Variants in VPS13B observed in about 807,000 individuals in gnomAD.
The protein encoded by VPS13B is intermembrane lipid transfer protein VPS13B.
In VPS13B, 285 loss-of-function variants were observed where a neutral mutation model predicts 426.4. That is an observed-to-expected ratio of 0.67 (90% CI 0.61 to 0.74). The LOEUF is 0.74. Among genes scored for constraint, VPS13B ranks in the 30% least tolerant of loss-of-function variants. VPS13B has a pLI of 0.00. For missense variants in VPS13B, 4,537 were observed against 4,782.6 expected (o/e 0.95, Z 1.51); for synonymous variants, 1,676 against 1,676.4 (o/e 1.00, Z 0.01).
At chr8:99,561,635 A>G (rs892061771) in intron 31 of VPS13B, among the ~76,000 whole-genome samples, 9 of 152,190 alleles carry the variant, frequency 5.9e-5, no homozygotes, top group African/African-American at 2.2e-4. Flanking sequence ...ATTTTGCCCA[A>G]CCAAGGCCAA....
chr8:99,106,375 C>T (rs1395814791), intron 5 of VPS13B, among the ~76,000 whole-genome samples: 1 of 131,390 alleles, frequency 7.6e-6, no homozygotes, highest in Non-Finnish European at 1.5e-5. Flanking sequence ...GCGGAGGCTG[C>T]AGTGAGTCGA....
intron 17 of VPS13B, among the ~76,000 whole-genome samples, chr8:99,256,616 C>T (rs750749880): frequency 5.3e-5 from 8 of 151,900 alleles, no homozygotes; most frequent in Non-Finnish European, 1.2e-4. Flanking sequence ...ATCTCTTTGT[C>T]GTTTTGATTT....
intron 31 of VPS13B, among the ~76,000 whole-genome samples, chr8:99,561,744 C>T (rs1824932951): frequency 1.3e-5 from 2 of 152,164 alleles, no homozygotes; most frequent in South Asian, 2.1e-4. Context: ...ATGCATTCAA[C>T]TTACAATGAG....
chr8:99,400,671 T>A (rs1814983927), intron 21 of VPS13B, among the ~76,000 whole-genome samples: 1 of 152,150 alleles, frequency 6.6e-6, no homozygotes, highest in Non-Finnish European at 1.5e-5. Flanking sequence ...TTACTTTTTT[T>A]TGTTTTTGTT....
intron 39 of VPS13B, among the ~76,000 whole-genome samples, chr8:99,756,784 G>A (rs963749682): frequency 4.6e-5 from 7 of 152,222 alleles, no homozygotes; most frequent in Admixed American, 1.3e-4. Context: ...TGTATTCTCC[G>A]TTTATTGCTT....
At chr8:99,273,102 T>C (rs1269161488) in intron 17 of VPS13B, among the ~76,000 whole-genome samples, 1 of 152,086 alleles carries the variant, frequency 6.6e-6, no homozygotes, top group Non-Finnish European at 1.5e-5. Flanking sequence ...TGTATTTTGT[T>C]TCTGTTTCCT....
intron 17 of VPS13B, among the ~76,000 whole-genome samples, chr8:99,201,315 T>C (rs1488492342): frequency 6.6e-6 from 1 of 152,086 alleles, no homozygotes; most frequent in Admixed American, 6.5e-5. Context: ...TGTGATTTAT[T>C]AGCGAGTTTT....
intron 13 of VPS13B, among the ~76,000 whole-genome samples, chr8:99,143,441 A>T (rs1360119356): frequency 1.3e-5 from 2 of 152,140 alleles, no homozygotes; most frequent in South Asian, 2.1e-4. Context: ...GATACTTGTG[A>T]ATATGATTTT....
intron 43 of VPS13B, among the ~76,000 whole-genome samples, chr8:99,788,082 C>A (rs1376141101): frequency 6.6e-6 from 1 of 151,842 alleles, no homozygotes; most frequent in Non-Finnish European, 1.5e-5. Flanking sequence ...ACAGGTCAGG[C>A]ATAGTGGTTT....
chr8:99,233,949 C>T, intron 17 of VPS13B: 4 of 793,642 alleles, frequency 5.0e-6, no homozygotes, highest in Non-Finnish European at 9.2e-6. Context: ...CCAGAGTTCT[C>T]TTTTCTATGG....
At chr8:99,402,847 T>C (rs1157405331) in intron 21 of VPS13B, among the ~76,000 whole-genome samples, 1 of 152,192 alleles carries the variant, frequency 6.6e-6, no homozygotes, top group Non-Finnish European at 1.5e-5. Flanking sequence ...CTTAAAGCAT[T>C]GTGGGATCTA....
At chr8:99,722,756 C>G (rs1833181997) in intron 39 of VPS13B, among the ~76,000 whole-genome samples, 1 of 152,122 alleles carries the variant, frequency 6.6e-6, no homozygotes, top group Non-Finnish European at 1.5e-5. Context: ...ATCCACCTGC[C>G]TCGGCCTCCC....
intron 36 of VPS13B, among the ~76,000 whole-genome samples, chr8:99,703,606 A>G (rs145874505): frequency 0.035 from 5,309 of 152,272 alleles, 135 homozygotes; most frequent in Non-Finnish European, 0.05. Flanking sequence ...ATCCCATTCT[A>G]TAGTATTTTC....
At chr8:99,797,900 T>G (rs181402285) in intron 43 of VPS13B, among the ~76,000 whole-genome samples, 1 of 152,328 alleles carries the variant, frequency 6.6e-6, no homozygotes, top group East Asian at 1.9e-4. Flanking sequence ...ATTGTCTTTC[T>G]CTAACTGTGG....
At chr8:99,135,246 G>C in intron 10 of VPS13B, 109 bp downstream of exon 10, 3 of 1,452,224 alleles carry the variant, frequency 2.1e-6, no homozygotes, top group Non-Finnish European at 2.8e-6. Context: ...TCTCAGGCTT[G>C]AGAGAGGAGC....
intron 19 of VPS13B, among the ~76,000 whole-genome samples, chr8:99,367,810 C>T (rs955763139): frequency 3.3e-5 from 5 of 152,170 alleles, no homozygotes; most frequent in African/African-American, 7.2e-5. Flanking sequence ...TATGCCACCA[C>T]GCCCAGCTAA....
chr8:99,117,592 A>G (rs1214552119), intron 7 of VPS13B, among the ~76,000 whole-genome samples: 2 of 152,342 alleles, frequency 1.3e-5, no homozygotes, highest in Non-Finnish European at 2.9e-5. Flanking sequence ...ATATTCATAC[A>G]TTGGAGTATT....
intron 21 of VPS13B, among the ~76,000 whole-genome samples, chr8:99,409,245 G>T (rs1393169068): frequency 6.6e-6 from 1 of 152,120 alleles, no homozygotes; most frequent in Non-Finnish European, 1.5e-5. Context: ...GTCAGGTGGG[G>T]ATTGCACAGG....
At chr8:99,366,633 C>T (rs1435681144) in intron 19 of VPS13B, among the ~76,000 whole-genome samples, 5 of 150,908 alleles carry the variant, frequency 3.3e-5, no homozygotes, top group South Asian at 2.1e-4. Context: ...TTTCTTCTGC[C>T]GTTTCTTATT....
Sources: allele counts gnomAD v4.1 joint callset (sites outside exome capture counted in the v4.1 genomes callset), GRCh38; gene constraint gnomAD v4.1.1; transcripts MANE v1.5; gene names NCBI Gene and HGNC (gene_info 2026-07-23, HGNC 2026-07-21).